PAWR: variants seen among roughly 807,000 people sequenced by gnomAD.
PAWR encodes the protein PRKC apoptosis WT1 regulator protein.
In PAWR, 23 loss-of-function variants were observed where a neutral mutation model predicts 32.0. The ratio of observed to expected loss-of-function variants is 0.72; its 90% CI spans 0.52 to 1.02. The LOEUF is 1.02. PAWR is among the 50% of genes least tolerant of loss of function. The pLI, the probability that PAWR is intolerant of heterozygous loss-of-function variation, is 0.00. For synonymous variants in PAWR, 226 were observed against 187.1 expected (o/e 1.21, Z -1.70); for missense variants, 457 against 437.7 (o/e 1.04, Z -0.39).
intron 2 of PAWR, among the ~76,000 whole-genome samples, chr12:79,637,809 T>A (rs1876033385): frequency 6.6e-6 from 1 of 151,530 alleles, no homozygotes; most frequent in Non-Finnish European, 1.5e-5. Flanking sequence ...ATTAACATCT[T>A]AAAAAAAAGA....
chr12:79,681,784 A>G (rs927958174), intron 2 of PAWR, among the ~76,000 whole-genome samples: 2 of 152,182 alleles, frequency 1.3e-5, no homozygotes, highest in African/African-American at 4.8e-5. Flanking sequence ...ATTATAGGAT[A>G]TGGAGAAGTC....
intron 6 of PAWR, among the ~76,000 whole-genome samples, chr12:79,593,616 C>T (rs1246086323): frequency 7.3e-5 from 11 of 150,374 alleles, no homozygotes; most frequent in East Asian, 2.0e-4. Context: ...GCTGAGATCG[C>T]GCCACTGAAC....
chr12:79,592,624 C>T lies in PAWR; in HGVS notation c.1006G>A (p.Gly336Ser). ...QENKTLLKVV[G>S]QLTR The stretch of plus-strand genomic sequence containing the variant: ...TGAATCCTCTACCTGGTCAGCTGAC[C>T]CACAACTTTCAAAAGAGTTTTATTT... The change falls in exon 7 of 7, where the codon GGT becomes AGT. Residue 336 changes from glycine (G) to serine (S), a missense_variant. By Grantham distance (56) the Gly-to-Ser change is moderately conservative. Coordinates refer to ENST00000328827, the MANE Select transcript of PAWR (RefSeq NM_002583.4). 1.3e-6 allele frequency: 1 copy of T among 769,102 alleles called. No individual in the cohort carries two copies. Among genetic ancestry groups the T allele is most frequent in the Non-Finnish European group, 2.4e-6 (1 of 415,654 alleles). 47.6% of individuals were successfully genotyped at this position (769,102 alleles called of 1,614,324 possible). A position where few individuals can be genotyped will look rare whatever the true frequency, so the allele number is the denominator to read the frequency against.
rs1873362840 is a variant in PAWR at position 79,585,526 on chromosome 12, C to T, written c.*7081G>A. On this transcript the variant is annotated 3_prime_UTR_variant, in exon 7 of 7. Coordinates refer to ENST00000328827, the MANE Select transcript of PAWR (RefSeq NM_002583.4). Reference sequence around the variant, plus strand: ...GGACTCAAAGACTAGCTTTGTGATACAATGTCACCTTACCAATCTGTACAC... The same window carrying T: ...GGACTCAAAGACTAGCTTTGTGATATAATGTCACCTTACCAATCTGTACAC... 5.8e-6 allele frequency: 1 copy of T among 171,538 alleles called. No individual in the cohort carries two copies. Among genetic ancestry groups the T allele is most frequent in the Non-Finnish European group, 1.2e-5 (1 of 81,266 alleles). The allele number at this position is 171,538 out of a possible 1,614,324, so 10.6% of individuals were successfully genotyped here. A position where few individuals can be genotyped will look rare whatever the true frequency, so the allele number is the denominator to read the frequency against.
chr12:79,658,972 T>TAA (rs550704257), intron 2 of PAWR, among the ~76,000 whole-genome samples: 10 of 86,676 alleles, frequency 1.2e-4, no homozygotes, highest in African/African-American at 2.2e-4. Context: ...CTTAGCACAC[T>TAA]AAAAAAAAAA....
intron 2 of PAWR, among the ~76,000 whole-genome samples, chr12:79,653,064 A>G (rs1876927522): frequency 6.6e-6 from 1 of 152,076 alleles, no homozygotes; most frequent in South Asian, 2.1e-4. Context: ...TTTTTTTGAG[A>G]CAGAGTCTCG....
intron 4 of PAWR, among the ~76,000 whole-genome samples, chr12:79,609,623 A>G (rs553969879): frequency 1.3e-5 from 2 of 152,182 alleles, no homozygotes; most frequent in East Asian, 3.9e-4. Flanking sequence ...TGGCTTGACA[A>G]TGCTGCACCA....
intron 2 of PAWR, among the ~76,000 whole-genome samples, chr12:79,637,282 A>G (rs982105044): frequency 6.6e-6 from 1 of 152,114 alleles, no homozygotes; most frequent in Non-Finnish European, 1.5e-5. Context: ...ATAACCATGA[A>G]AGGTATTAGG....
rs927429974 is a variant in PAWR at position 79,657,793 on chromosome 12, C to CA, written c.516+31935dup. 7.0e-3 allele frequency among the ~76,000 whole-genome samples: 790 copies of CA among 113,262 alleles called. 4 individuals are homozygous for CA. Among genetic ancestry groups the CA allele is most frequent in the African/African-American group, 0.016 (492 of 30,488 alleles). 74.3% of individuals were successfully genotyped at this position (113,262 alleles called of 152,430 possible). On this transcript the variant is annotated intron_variant, in intron 2 of 6. Transcript: ENST00000328827. ...TGGGCCACAGAGCGAGACTCCGTCT[C>CA]AAAAAAAAAAAAAGATTCTCAAGGA...
At chr12:79,663,786 A>G (rs1877464788) in intron 2 of PAWR, among the ~76,000 whole-genome samples, 1 of 152,046 alleles carries the variant, frequency 6.6e-6, no homozygotes, top group Non-Finnish European at 1.5e-5. Flanking sequence ...AAAAAACCCT[A>G]TTTATTTTAA....
chr12:79,649,890 C>G, intron 2 of PAWR, among the ~76,000 whole-genome samples: 1 of 152,232 alleles, frequency 6.6e-6, no homozygotes, highest in East Asian at 1.9e-4. Context: ...TGGGCTGTAG[C>G]AGGGGGTAGG....
At position 79,634,642 on chromosome 12, in the gene PAWR, G is replaced by A. The variant is rs575232956; in HGVS notation, c.517-13435C>T. Among the ~76,000 whole-genome samples the A allele has an allele frequency of 8.4e-4, 121 of 143,888 alleles. 1 individual carries two copies. The highest frequency in any genetic ancestry group is 3.3e-3 in the African/African-American group (114 of 34,236). The allele number at this position is 143,888 out of a possible 152,430, so 94.4% of individuals were successfully genotyped here. ...AGTTATGAAATCAATTTACTGCATT[G>A]CAACCCAGAATTTTTAAGAAAAAGA... On this transcript the variant is annotated intron_variant, in intron 2 of 6. Coordinates refer to ENST00000328827, the MANE Select transcript of PAWR (RefSeq NM_002583.4).
chr12:79,675,119 T>C (rs1279811577), intron 2 of PAWR, among the ~76,000 whole-genome samples: 1 of 152,200 alleles, frequency 6.6e-6, no homozygotes, highest in Non-Finnish European at 1.5e-5. Context: ...GGCTCATGCC[T>C]GTAATCACAG....
At chr12:79,679,960 A>G (rs533850279) in intron 2 of PAWR, among the ~76,000 whole-genome samples, 14 of 152,160 alleles carry the variant, frequency 9.2e-5, no homozygotes, top group African/African-American at 3.4e-4. Context: ...CCTTTCCTCT[A>G]TGTCATTACT....
chr12:79,626,211 A>G (rs1277775025), intron 2 of PAWR, among the ~76,000 whole-genome samples: 1 of 150,670 alleles, frequency 6.6e-6, no homozygotes, highest in East Asian at 1.9e-4. Flanking sequence ...TAAAATGAAG[A>G]ATTAAAGCAG....
intron 2 of PAWR, among the ~76,000 whole-genome samples, chr12:79,651,000 C>T (rs1234196120): frequency 6.6e-6 from 1 of 152,150 alleles, no homozygotes; most frequent in African/African-American, 2.4e-5. Flanking sequence ...AATGTCAAAA[C>T]AATTTTTCAT....
chr12:79,658,420 G>C (rs960485792), intron 2 of PAWR, among the ~76,000 whole-genome samples: 11 of 152,148 alleles, frequency 7.2e-5, no homozygotes, highest in Admixed American at 3.9e-4. Context: ...CTTTTTTAGT[G>C]AGTAATAGGG....
intron 2 of PAWR, chr12:79,688,467 T>TAAAAAA (rs11333665): frequency 9.8e-6 from 1 of 102,392 alleles, no homozygotes. Context: ...TATTTTTAAC[T>TAAAAAA]AAAAAAAAAA....
chr12:79,608,184 C>T (rs891460079), intron 4 of PAWR, among the ~76,000 whole-genome samples: 3 of 152,248 alleles, frequency 2.0e-5, no homozygotes, highest in South Asian at 2.1e-4. Flanking sequence ...CGGTTCTAGT[C>T]GGTTTCTTAT....
Sources: gnomAD v4.1 joint callset for allele counts (sites outside exome capture counted in the v4.1 genomes callset) on GRCh38, gnomAD v4.1.1 for gene constraint, MANE v1.5 for transcripts, NCBI Gene and HGNC (gene_info 2026-07-23, HGNC 2026-07-21) for gene names.